Variants in LRRC40 observed in about 807,000 individuals in gnomAD.
LRRC40 encodes the protein leucine rich repeat containing 40, also known as leucine-rich repeat-containing protein 40.
LRRC40 carries 76 observed loss-of-function variants against 72.8 expected under a neutral mutation model. The ratio of observed to expected loss-of-function variants is 1.04; its 90% CI spans 0.87 to 1.26. LRRC40 has a LOEUF of 1.26. LRRC40 is among the 50% of genes most tolerant of loss of function. The probability of loss-of-function intolerance (pLI) is 0.00; values close to 1 mark genes in which losing one functional copy is unlikely to be tolerated. For missense variants in LRRC40, 684 were observed against 698.9 expected, an observed-to-expected ratio of 0.98 and a Z score of 0.24; for synonymous variants, 243 against 254.2, an observed-to-expected ratio of 0.96 and a Z score of 0.42.
Position 70,153,421 on chromosome 1 carries a change from GA to G in LRRC40, c.1329-879del, listed in dbSNP as rs778504420. 2.5e-4 allele frequency among the ~76,000 whole-genome samples: 35 copies of G among 142,574 alleles called. No individual in the cohort carries two copies. In the East Asian group the frequency reaches 3.4e-3, roughly 14 times the overall value. The allele number at this position is 142,574 out of a possible 152,430, so 93.5% of individuals were successfully genotyped here. On this transcript the variant is annotated intron_variant, in intron 11 of 14. Transcript: ENST00000370952. ...CAACTTAGTCTATCTCATTAGCAAA[GA>G]AAAAAAAAAGAAAGGATATAAAATG... is the stretch of plus-strand genomic sequence containing the variant.
chr1:70,160,810 T>TA (rs1667741298), intron 9 of LRRC40, among the ~76,000 whole-genome samples: 1 of 152,104 alleles, frequency 6.6e-6, no homozygotes, highest in African/African-American at 2.4e-5. Context: ...TTGTTTTTTT[T>TA]AACCATGTGC....
chr1:70,167,894 C>T (rs752718196), intron 9 of LRRC40, among the ~76,000 whole-genome samples: 1 of 152,136 alleles, frequency 6.6e-6, no homozygotes, highest in Non-Finnish European at 1.5e-5. Context: ...GGATTATAGG[C>T]GTGAGCCACC....
At chr1:70,165,635 G>A (rs1667864684) in intron 9 of LRRC40, among the ~76,000 whole-genome samples, 1 of 150,680 alleles carries the variant, frequency 6.6e-6, no homozygotes, top group African/African-American at 2.4e-5. Flanking sequence ...CTAAAACTGA[G>A]AAAAGAGTAG....
At chr1:70,149,265 C>T (rs1185196031) in intron 13 of LRRC40, among the ~76,000 whole-genome samples, 1 of 152,192 alleles carries the variant, frequency 6.6e-6, no homozygotes, top group African/African-American at 2.4e-5. Context: ...AAGGCTAGCA[C>T]AGTTTTAGCA....
At chr1:70,195,784 T>G (rs1668595060) in intron 1 of LRRC40, among the ~76,000 whole-genome samples, 1 of 152,140 alleles carries the variant, frequency 6.6e-6, no homozygotes, top group African/African-American at 2.4e-5. Context: ...TACAGGCATG[T>G]GCCACCATGC....
intron 3 of LRRC40, 138 bp downstream of exon 3, chr1:70,187,127 A>G: frequency 2.0e-6 from 1 of 508,460 alleles, no homozygotes; most frequent in Non-Finnish European, 3.5e-6. Context: ...AAAGCTTTAA[A>G]AAACTTAAAA....
chr1:70,198,782 T>C (rs1668669769), intron 1 of LRRC40, among the ~76,000 whole-genome samples: 1 of 152,064 alleles, frequency 6.6e-6, no homozygotes, highest in African/African-American at 2.4e-5. Context: ...AATAATAAGA[T>C]TTTTCAAGTG....
chr1:70,159,804 C>A (rs1667716971), intron 9 of LRRC40, among the ~76,000 whole-genome samples: 1 of 152,046 alleles, frequency 6.6e-6, no homozygotes, highest in South Asian at 2.1e-4. Context: ...TGAAAGAAAA[C>A]CATTATTTCC....
At chr1:70,159,758 G>A (rs1667716190) in intron 9 of LRRC40, among the ~76,000 whole-genome samples, 1 of 152,122 alleles carries the variant, frequency 6.6e-6, no homozygotes, top group South Asian at 2.1e-4. Context: ...TTCCTCTTAA[G>A]TAAAATAATA....
chr1:70,148,512 C>T lies in LRRC40; in HGVS notation c.1678G>A (p.Glu560Lys). The change falls in exon 14 of 15, where the codon GAG becomes AAG. Residue 560 changes from glutamate to lysine, a missense_variant. Coordinates refer to ENST00000370952, the MANE Select transcript of LRRC40 (RefSeq NM_017768.5). ...QNNDLLQIPP[E>K]LGNCVNLRTL... ...CTTAAGTTTACACAATTACCGAGCT[C>T]TGGTGGAATTTGTAAGAGGTCATTA... 1 of 1,612,824 alleles carries T rather than the reference C, an allele frequency of 6.2e-7. No individual in the cohort carries two copies. Among genetic ancestry groups the T allele is most frequent in the Non-Finnish European group, 8.5e-7 (1 of 1,179,166 alleles).
intron 1 of LRRC40, among the ~76,000 whole-genome samples, chr1:70,204,615 C>T (rs1219163627): frequency 3.3e-5 from 5 of 152,038 alleles, no homozygotes; most frequent in Admixed American, 3.3e-4. Flanking sequence ...AGAAAGCAAT[C>T]ATTAGAAGGA....
chr1:70,160,041 C>T (rs893987049), intron 9 of LRRC40, among the ~76,000 whole-genome samples: 1 of 152,126 alleles, frequency 6.6e-6, no homozygotes, highest in African/African-American at 2.4e-5. Context: ...CCTTACTAAT[C>T]TCCAGAGACT....
intron 8 of LRRC40, 44 bp from the exon 9 acceptor site, chr1:70,173,554 AG>A (rs1177452098): frequency 6.6e-7 from 1 of 1,524,692 alleles, no homozygotes; most frequent in South Asian, 1.1e-5. Flanking sequence ...CATGCTTTGC[AG>A]TTTTACAGAT....
At chr1:70,184,142 G>A (rs1464364212) in intron 4 of LRRC40, among the ~76,000 whole-genome samples, 1 of 152,028 alleles carries the variant, frequency 6.6e-6, no homozygotes, top group African/African-American at 2.4e-5. Context: ...CCAGCTACTT[G>A]GGAGGCTGAG....
intron 13 of LRRC40, 98 bp from the exon 14 acceptor site, chr1:70,148,770 TTAGTG>T (rs1226902353): frequency 1.5e-6 from 1 of 680,796 alleles, no homozygotes; most frequent in Admixed American, 3.0e-5. Flanking sequence ...AGTTTTTTCT[TTAGTG>T]TATGTTATTC....
intron 14 of LRRC40, among the ~76,000 whole-genome samples, chr1:70,146,239 G>A (rs1227677045): frequency 2.0e-5 from 3 of 151,872 alleles, no homozygotes; most frequent in African/African-American, 7.3e-5. Context: ...TGGCCAGGCT[G>A]GTCTCAAACT....
chr1:70,178,898 T>C lies in LRRC40; in HGVS notation c.757A>G (p.Asn253Asp). Reference sequence around the variant, plus strand: ...AATTCTGGTAGAAAACGTAATTTATTCCTCCGCAAATAAAGCAATTCTAGT... The same window carrying C: ...AATTCTGGTAGAAAACGTAATTTATCCCTCCGCAAATAAAGCAATTCTAGT... ...ESLELLYLRR[N>D]KLRFLPEFPS... The change falls in exon 6 of 15, where the codon AAT becomes GAT. Residue 253 changes from asparagine (N) to aspartate (D), a missense_variant. Coordinates refer to ENST00000370952, the MANE Select transcript of LRRC40 (RefSeq NM_017768.5). 1 of 1,598,528 alleles carries C rather than the reference T, an allele frequency of 6.3e-7. No homozygotes were observed. The highest frequency in any genetic ancestry group is 8.6e-7 in the Non-Finnish European group (1 of 1,169,198).
At chr1:70,166,891 C>A (rs563520996) in intron 9 of LRRC40, among the ~76,000 whole-genome samples, 77 of 150,454 alleles carry the variant, frequency 5.1e-4, no homozygotes, top group African/African-American at 1.7e-3. Flanking sequence ...TTTTCCCCAT[C>A]CCCAAAAGAA....
At chr1:70,170,424 T>C (rs1052446363) in intron 9 of LRRC40, among the ~76,000 whole-genome samples, 6 of 152,086 alleles carry the variant, frequency 3.9e-5, no homozygotes, top group Non-Finnish European at 7.4e-5. Context: ...GGCATCCAGA[T>C]TGGAAAGGAA....
Sources: allele counts gnomAD v4.1 joint callset (sites outside exome capture counted in the v4.1 genomes callset), GRCh38; gene constraint gnomAD v4.1.1; transcripts MANE v1.5; gene names NCBI Gene and HGNC (gene_info 2026-07-23, HGNC 2026-07-21).